Variants in B4GALT5 observed in about 807,000 individuals in gnomAD.
The protein encoded by B4GALT5 is UDP-Gal:beta-GlcNAc beta-1,4-galactosyltransferase 5.
A neutral mutation model predicts 45.0 loss-of-function variants in B4GALT5; 11 were observed. The ratio of observed to expected loss-of-function variants is 0.24; its 90% CI spans 0.15 to 0.40. The LOEUF (loss-of-function observed/expected upper bound fraction) is 0.40. Among genes scored for constraint, B4GALT5 ranks in the 10% least tolerant of loss-of-function variants. The pLI, the probability that B4GALT5 is intolerant of heterozygous loss-of-function variation, is 1.00. For synonymous variants in B4GALT5, 185 were observed against 182.9 expected (o/e 1.01, Z -0.09); for missense variants, 337 against 500.2 (o/e 0.67, Z 3.11).
Position 49,713,687 on chromosome 20 carries a change from G to T in B4GALT5, c.4C>A (p.Arg2Ser). 6.9e-7 allele frequency: 1 copy of T among 1,450,208 alleles called. No individual in the cohort carries two copies. 89.8% of individuals were successfully genotyped at this position (1,450,208 alleles called of 1,614,324 possible). The change falls in exon 1 of 9, where the codon CGC becomes AGC. Residue 2 changes from arginine (R) to serine (S), a missense_variant. Physicochemically the swap from Arg to Ser is moderately radical, Grantham distance 110 (BLOSUM62 -1). Transcript: ENST00000371711. The stretch of plus-strand genomic sequence containing the variant: ...AGCCGCAGCAGCCCCCGGCGGGCGC[G>T]CATGCTGCAGCCAGGCGGCCGCTAG... The part of the protein sequence containing the change: M[R>S]ARRGLLRLPR...
intron 1 of B4GALT5, among the ~76,000 whole-genome samples, chr20:49,658,836 C>T (rs1430704736): frequency 6.6e-6 from 1 of 152,176 alleles, no homozygotes; most frequent in Non-Finnish European, 1.5e-5. Context: ...GACCACACTT[C>T]TATAACCACT....
At chr20:49,676,497 C>A (rs1440523436) in intron 1 of B4GALT5, among the ~76,000 whole-genome samples, 1 of 152,198 alleles carries the variant, frequency 6.6e-6, no homozygotes, top group Non-Finnish European at 1.5e-5. Context: ...TGAAGTTAAG[C>A]TATTGATTGA....
intron 1 of B4GALT5, 148 bp downstream of exon 1, chr20:49,713,427 TC>T: frequency 1.4e-6 from 1 of 699,170 alleles, no homozygotes; most frequent in Non-Finnish European, 2.3e-6. Flanking sequence ...TGTCCTGGCG[TC>T]CCCGAGAGCC....
intron 1 of B4GALT5, among the ~76,000 whole-genome samples, chr20:49,687,088 G>A (rs1000583833): frequency 7.9e-5 from 12 of 152,082 alleles, no homozygotes; most frequent in Non-Finnish European, 1.8e-4. Flanking sequence ...GCAGTATCTG[G>A]GGGCATTTTT....
intron 1 of B4GALT5, among the ~76,000 whole-genome samples, chr20:49,669,934 G>A (rs1345253753): frequency 1.3e-5 from 2 of 152,124 alleles, no homozygotes; most frequent in Non-Finnish European, 2.9e-5. Context: ...CCATAAAAAT[G>A]CTCATACCTT....
chr20:49,675,649 A>G (rs1442279681), intron 1 of B4GALT5, among the ~76,000 whole-genome samples: 1 of 152,162 alleles, frequency 6.6e-6, no homozygotes, highest in East Asian at 1.9e-4. Flanking sequence ...CCAAGCAAAT[A>G]TCATATCTTT....
intron 1 of B4GALT5, among the ~76,000 whole-genome samples, chr20:49,704,231 C>T (rs1490199512): frequency 6.6e-6 from 1 of 152,174 alleles, no homozygotes; most frequent in African/African-American, 2.4e-5. Context: ...TCTCCATCTT[C>T]CCAAGCTTAT....
chr20:49,710,609 AGGG>A (rs2085904841), intron 1 of B4GALT5, among the ~76,000 whole-genome samples: 1 of 151,898 alleles, frequency 6.6e-6, no homozygotes, highest in South Asian at 2.1e-4. Context: ...TAGTACTGAC[AGGG>A]TTTCACCATC....
At position 49,647,463 on chromosome 20, in the gene B4GALT5, C is replaced by A. The variant is rs574500942; in HGVS notation, c.251-385G>T. Among the ~76,000 whole-genome samples, 67 of 152,298 alleles carry A rather than the reference C, an allele frequency of 4.4e-4. No individual in the cohort carries two copies. The Middle Eastern group carries it at 0.014, about 31-fold the overall frequency. On this transcript the variant is annotated intron_variant, in intron 2 of 8. Coordinates refer to ENST00000371711, the MANE Select transcript of B4GALT5 (RefSeq NM_004776.4). ...CAGTATTCACCTCTGTCAGCCTCTA[C>A]GGCTGGTCGTGATGTTTCTGTTTTC...
intron 2 of B4GALT5, among the ~76,000 whole-genome samples, chr20:49,650,917 T>A (rs1210831124): frequency 2.0e-5 from 3 of 152,112 alleles, no homozygotes; most frequent in Non-Finnish European, 4.4e-5. Flanking sequence ...ACAGCCACAG[T>A]TTTACTTTTT....
chr20:49,664,895 C>T (rs2085682633), intron 1 of B4GALT5, among the ~76,000 whole-genome samples: 2 of 152,324 alleles, frequency 1.3e-5, no homozygotes, highest in Middle Eastern at 6.8e-3. Flanking sequence ...CAAAATGCTA[C>T]CAACTGGTGA....
At chr20:49,658,462 A>AT (rs1186682806) in intron 1 of B4GALT5, among the ~76,000 whole-genome samples, 5 of 152,182 alleles carry the variant, frequency 3.3e-5, no homozygotes, top group South Asian at 2.1e-4. Context: ...TCATCCCAAC[A>AT]TATTACTAAA....
chr20:49,663,850 A>G (rs952909255), intron 1 of B4GALT5, among the ~76,000 whole-genome samples: 4 of 151,868 alleles, frequency 2.6e-5, no homozygotes, highest in African/African-American at 9.7e-5. Context: ...ATATACTGTA[A>G]GGACAAAAAG....
At chr20:49,682,803 C>A (rs911081833) in intron 1 of B4GALT5, among the ~76,000 whole-genome samples, 2 of 152,090 alleles carry the variant, frequency 1.3e-5, no homozygotes, top group Admixed American at 1.3e-4. Flanking sequence ...ATTCAAGATT[C>A]CAATTCTAGG....
intron 7 of B4GALT5, among the ~76,000 whole-genome samples, chr20:49,639,448 C>G (rs1369408638): frequency 6.6e-6 from 1 of 151,966 alleles, no homozygotes; most frequent in Non-Finnish European, 1.5e-5. Flanking sequence ...TCTGTGGCCT[C>G]GAACTCCCGG....
At chr20:49,690,918 G>A (rs1319324427) in intron 1 of B4GALT5, among the ~76,000 whole-genome samples, 3 of 151,996 alleles carry the variant, frequency 2.0e-5, no homozygotes, top group African/African-American at 4.8e-5. Flanking sequence ...TAACCAAATG[G>A]AATCCTTTCT....
chr20:49,661,908 T>C (rs1453371483), intron 1 of B4GALT5, among the ~76,000 whole-genome samples: 2 of 152,216 alleles, frequency 1.3e-5, no homozygotes, highest in Admixed American at 6.5e-5. Flanking sequence ...ATCTCTTATA[T>C]ATAACCATAA....
At chr20:49,643,922 CTTTTTTTTTTTTTTTT>C (rs138727530) in intron 3 of B4GALT5, among the ~76,000 whole-genome samples, 4 of 52,184 alleles carry the variant, frequency 7.7e-5, no homozygotes, top group East Asian at 1.4e-3. Flanking sequence ...AGTAGCTGAG[CTTTTTTTTTTTTTTTT>C]TTTTTTTTTT....
intron 2 of B4GALT5, among the ~76,000 whole-genome samples, chr20:49,653,532 G>A (rs982677036): frequency 3.9e-5 from 6 of 152,246 alleles, no homozygotes; most frequent in African/African-American, 1.4e-4. Flanking sequence ...CTGCGATTCA[G>A]GGCACAGGCC....
Sources: allele counts gnomAD v4.1 joint callset (sites outside exome capture counted in the v4.1 genomes callset), GRCh38; gene constraint gnomAD v4.1.1; transcripts MANE v1.5; gene names NCBI Gene and HGNC (gene_info 2026-07-23, HGNC 2026-07-21).